Variants in CRPPA observed in about 807,000 individuals in gnomAD.
CRPPA encodes D-ribitol-5-phosphate cytidylyltransferase.
In CRPPA, 43 loss-of-function variants were observed where a neutral mutation model predicts 52.0. The observed-to-expected ratio is 0.83, with a 90% confidence interval of 0.65 to 1.07. The LOEUF is 1.07. Among genes scored for constraint, CRPPA ranks in the 50% least tolerant of loss-of-function variants. The pLI, the probability that CRPPA is intolerant of heterozygous loss-of-function variation, is 0.00. For synonymous variants in CRPPA, 250 were observed against 203.5 expected (o/e 1.23, Z -1.94); for missense variants, 629 against 551.7 (o/e 1.14, Z -1.40).
intron 9 of CRPPA, among the ~76,000 whole-genome samples, chr7:16,191,766 T>C (rs544745037): frequency 2.6e-5 from 4 of 152,254 alleles, no homozygotes; most frequent in African/African-American, 4.8e-5. Context: ...ATCTTCCTAA[T>C]GAGGCAAATC....
chr7:16,258,893 T>C, intron 7 of CRPPA, 27 bp downstream of exon 7: 1 of 1,434,714 alleles, frequency 7.0e-7, no homozygotes, highest in Non-Finnish European at 9.7e-7. Flanking sequence ...TATCCTTAAG[T>C]GCCTTCAATC....
At chr7:16,180,491 GTAA>G (rs1781389695) in intron 9 of CRPPA, among the ~76,000 whole-genome samples, 1 of 152,070 alleles carries the variant, frequency 6.6e-6, no homozygotes, top group African/African-American at 2.4e-5. Flanking sequence ...TATAGATAAT[GTAA>G]TGGTAGTTTC....
intron 6 of CRPPA, among the ~76,000 whole-genome samples, chr7:16,265,566 T>A (rs1783931377): frequency 6.6e-6 from 1 of 152,198 alleles, no homozygotes; most frequent in Non-Finnish European, 1.5e-5. Flanking sequence ...TGTCAAGTCA[T>A]TCATCTTTGA....
intron 5 of CRPPA, among the ~76,000 whole-genome samples, chr7:16,287,844 C>A (rs891756910): frequency 6.8e-6 from 1 of 146,978 alleles, no homozygotes; most frequent in Non-Finnish European, 1.5e-5. Flanking sequence ...ATCACTTGAA[C>A]CTGGGAAGCA....
intron 9 of CRPPA, 72 bp downstream of exon 9, chr7:16,215,994 T>A: frequency 8.3e-7 from 1 of 1,199,570 alleles, no homozygotes; most frequent in Non-Finnish European, 1.2e-6. Flanking sequence ...CCTCCTGCTT[T>A]TAACAAATCA....
At chr7:16,182,292 G>C (rs1298768513) in intron 9 of CRPPA, among the ~76,000 whole-genome samples, 1 of 151,828 alleles carries the variant, frequency 6.6e-6, no homozygotes, top group African/African-American at 2.4e-5. Context: ...AATTAGTAAA[G>C]TTTATGAAAT....
intron 8 of CRPPA, among the ~76,000 whole-genome samples, chr7:16,239,139 A>C (rs1783033542): frequency 3.2e-5 from 1 of 30,990 alleles, no homozygotes; most frequent in Non-Finnish European, 7.1e-5. Context: ...CTCTGTCTCA[A>C]AAAAAAAAAA....
intron 9 of CRPPA, among the ~76,000 whole-genome samples, chr7:16,093,101 C>G (rs568866820): frequency 2.0e-5 from 3 of 152,250 alleles, no homozygotes; most frequent in Admixed American, 2.0e-4. Flanking sequence ...CTCTAGCACA[C>G]CGAATTTTAT....
At chr7:16,268,989 G>C (rs553003791) in intron 6 of CRPPA, 1 of 152,104 alleles carries the variant, frequency 6.6e-6, no homozygotes, top group Non-Finnish European at 1.5e-5. Context: ...AAATCAGTTC[G>C]AACTTCTTGA....
At chr7:16,102,918 C>T (rs1332830864) in intron 9 of CRPPA, among the ~76,000 whole-genome samples, 1 of 152,098 alleles carries the variant, frequency 6.6e-6, no homozygotes, top group East Asian at 1.9e-4. Flanking sequence ...GGATCTAGAA[C>T]TAGAAATACC....
intron 9 of CRPPA, among the ~76,000 whole-genome samples, chr7:16,185,284 AG>A (rs1273558960): frequency 2.6e-5 from 4 of 152,144 alleles, no homozygotes; most frequent in Non-Finnish European, 4.4e-5. Flanking sequence ...AGATCTCATG[AG>A]ACTTATTCAC....
chr7:16,414,753 G>A (rs556767766), intron 1 of CRPPA, among the ~76,000 whole-genome samples: 2 of 152,204 alleles, frequency 1.3e-5, no homozygotes, highest in African/African-American at 4.8e-5. Flanking sequence ...TTTCAGTTTG[G>A]TTAAAAAGCC....
intron 8 of CRPPA, among the ~76,000 whole-genome samples, chr7:16,242,334 T>C (rs1233047690): frequency 6.6e-6 from 1 of 152,170 alleles, no homozygotes; most frequent in Non-Finnish European, 1.5e-5. Context: ...TTTACTATAT[T>C]ACTTCCTTTT....
At chr7:16,101,146 A>C (rs748782279) in intron 9 of CRPPA, among the ~76,000 whole-genome samples, 1 of 152,138 alleles carries the variant, frequency 6.6e-6, no homozygotes, top group Non-Finnish European at 1.5e-5. Context: ...AGGTGTTTGT[A>C]TCAGGATGAT....
At chr7:16,096,572 T>G (rs1476751423) in intron 9 of CRPPA, among the ~76,000 whole-genome samples, 1 of 152,048 alleles carries the variant, frequency 6.6e-6, no homozygotes, top group Non-Finnish European at 1.5e-5. Flanking sequence ...AAAAAAAAAT[T>G]TGTTTTATCA....
chr7:16,312,828 A>C (rs1414393327), intron 3 of CRPPA, among the ~76,000 whole-genome samples: 1 of 151,964 alleles, frequency 6.6e-6, no homozygotes, highest in African/African-American at 2.4e-5. Context: ...CTATCCATTA[A>C]TATGATTATA....
intron 3 of CRPPA, among the ~76,000 whole-genome samples, chr7:16,363,400 A>G (rs1393902058): frequency 6.6e-6 from 1 of 152,214 alleles, no homozygotes; most frequent in East Asian, 1.9e-4. Context: ...GAAACATTGC[A>G]GCTAGCAGTA....
chr7:16,124,422 T>C (rs775952707), intron 9 of CRPPA, among the ~76,000 whole-genome samples: 4 of 152,180 alleles, frequency 2.6e-5, no homozygotes, highest in Non-Finnish European at 5.9e-5. Context: ...TGAAATTCTG[T>C]CACTTGTGGA....
At chr7:16,372,813 C>T (rs1030967175) in intron 3 of CRPPA, among the ~76,000 whole-genome samples, 19 of 152,126 alleles carry the variant, frequency 1.2e-4, no homozygotes, top group African/African-American at 4.6e-4. Context: ...TAAGGACTCT[C>T]ACATAAACTT....
Sources: gnomAD v4.1 joint callset for allele counts (sites outside exome capture counted in the v4.1 genomes callset) on GRCh38, gnomAD v4.1.1 for gene constraint, MANE v1.5 for transcripts, NCBI Gene and HGNC (gene_info 2026-07-23, HGNC 2026-07-21) for gene names.